TBX20: variants seen among roughly 807,000 people sequenced by gnomAD.
TBX20 encodes T-box transcription factor 20, also known as T-box transcription factor TBX20.
TBX20 carries 8 observed loss-of-function variants against 42.9 expected under a neutral mutation model. That is an observed-to-expected ratio of 0.19 (90% CI 0.11 to 0.34). The LOEUF (loss-of-function observed/expected upper bound fraction) is 0.34, where lower values mean the gene tolerates loss of function less well. Among genes scored for constraint, TBX20 ranks in the 10% least tolerant of loss-of-function variants. The probability of loss-of-function intolerance (pLI) is 1.00; values close to 1 mark genes in which losing one functional copy is unlikely to be tolerated. For missense variants in TBX20, 411 were observed against 566.0 expected (o/e 0.73, Z 2.78); for synonymous variants, 198 against 222.8 (o/e 0.89, Z 0.99).
In TBX20 at chr7:35,250,963, A is replaced by T. The variant is rs7807236; in HGVS notation, c.128-760T>A. Among the ~76,000 whole-genome samples, 591 of 152,262 alleles carry T rather than the reference A, an allele frequency of 3.9e-3. 2 individuals are homozygous for T. Among genetic ancestry groups the T allele is most frequent in the African/African-American group, 0.013 (556 of 41,550 alleles). ...AATTACTTGAGGGGTGAGGTATAAA[A>T]TTTTTCTTTCTCCCAGAAAGGTCCT... On this transcript the variant is annotated intron_variant, in intron 1 of 7. Transcript: ENST00000408931.
At chr7:35,241,967 G>A (rs1201249490) in intron 4 of TBX20, among the ~76,000 whole-genome samples, 1 of 152,144 alleles carries the variant, frequency 6.6e-6, no homozygotes, top group African/African-American at 2.4e-5. Flanking sequence ...TTGGGGGTAT[G>A]TCTTTCCGGG....
intron 6 of TBX20, among the ~76,000 whole-genome samples, chr7:35,229,482 T>C (rs577036689): frequency 6.6e-6 from 1 of 152,348 alleles, no homozygotes; most frequent in South Asian, 2.1e-4. Context: ...ACTTAGGTCA[T>C]CTTGCAAACT....
chr7:35,208,389 C>T (rs1490152292), intron 6 of TBX20, among the ~76,000 whole-genome samples: 3 of 152,092 alleles, frequency 2.0e-5, no homozygotes, highest in Admixed American at 6.5e-5. Flanking sequence ...ATCACAATGA[C>T]TTTGATTTTT....
intron 4 of TBX20, among the ~76,000 whole-genome samples, chr7:35,243,133 A>G (rs1463887311): frequency 2.6e-5 from 4 of 152,118 alleles, no homozygotes; most frequent in Non-Finnish European, 1.5e-5. Context: ...GCATGCCACC[A>G]CATCCAGCTA....
At chr7:35,246,383 G>A (rs1400650180) in intron 3 of TBX20, among the ~76,000 whole-genome samples, 2 of 152,030 alleles carry the variant, frequency 1.3e-5, no homozygotes, top group Admixed American at 6.5e-5. Flanking sequence ...TAGCTTTATA[G>A]GTGCAATTGT....
chr7:35,239,934 T>C (rs1375804000), intron 5 of TBX20, among the ~76,000 whole-genome samples: 1 of 151,980 alleles, frequency 6.6e-6, no homozygotes, highest in Non-Finnish European at 1.5e-5. Flanking sequence ...GTATTTTTAG[T>C]AGAGACGGTT....
chr7:35,225,594 T>C (rs1789756304), intron 6 of TBX20, among the ~76,000 whole-genome samples: 1 of 152,168 alleles, frequency 6.6e-6, no homozygotes, highest in Non-Finnish European at 1.5e-5. Context: ...AACTCGAAAA[T>C]GGCAAAGTGC....
At chr7:35,216,415 C>T (rs1027227344) in intron 6 of TBX20, among the ~76,000 whole-genome samples, 4 of 152,214 alleles carry the variant, frequency 2.6e-5, no homozygotes, top group Admixed American at 2.0e-4. Flanking sequence ...CAAATTACTC[C>T]ACTTTTTCAT....
chr7:35,251,424 G>A (rs1373102859), intron 1 of TBX20, among the ~76,000 whole-genome samples: 3 of 152,104 alleles, frequency 2.0e-5, no homozygotes, highest in Non-Finnish European at 4.4e-5. Flanking sequence ...CCATGAAAAT[G>A]TTTTAACTTA....
intron 5 of TBX20, among the ~76,000 whole-genome samples, chr7:35,232,901 A>T (rs1005528405): frequency 2.6e-5 from 4 of 152,190 alleles, no homozygotes; most frequent in African/African-American, 9.6e-5. Flanking sequence ...ATGAGCCTGT[A>T]ATCCCACCTA....
At chr7:35,248,538 C>T (rs1487391492) in intron 3 of TBX20, 139 bp downstream of exon 3, 25 of 897,668 alleles carry the variant, frequency 2.8e-5, no homozygotes, top group Admixed American at 9.0e-5. Context: ...GTAGTCAATC[C>T]TGGAGTGTCC....
intron 7 of TBX20, among the ~76,000 whole-genome samples, chr7:35,203,408 A>G (rs1394409805): frequency 6.6e-6 from 1 of 151,840 alleles, no homozygotes; most frequent in Non-Finnish European, 1.5e-5. Context: ...AACCTCCGAG[A>G]CAGCAAGACC....
chr7:35,236,000 C>T (rs1329498563), intron 5 of TBX20, among the ~76,000 whole-genome samples: 2 of 152,078 alleles, frequency 1.3e-5, no homozygotes, highest in Non-Finnish European at 2.9e-5. Context: ...AAAAACAATG[C>T]ATGACCTTTC....
At chr7:35,213,877 CA>C (rs59548164) in intron 6 of TBX20, among the ~76,000 whole-genome samples, 796 of 59,750 alleles carry the variant, frequency 0.013, 6 homozygotes, top group African/African-American at 0.042. Context: ...GCAGAGATAG[CA>C]AAAAAAAAAA....
At chr7:35,222,565 A>G (rs1044104609) in intron 6 of TBX20, among the ~76,000 whole-genome samples, 4 of 152,108 alleles carry the variant, frequency 2.6e-5, no homozygotes, top group African/African-American at 4.8e-5. Flanking sequence ...CACTCACTCA[A>G]CAAATATTTG....
rs1012108752 is a variant in TBX20, at chr7:35,234,037, C to A, written c.814-2457G>T. On this transcript the variant is annotated intron_variant, in intron 5 of 7. Transcript: ENST00000408931. ...AGGTGGAGCAATAAAGGTAAGGCTGCCTTTAAATAGCACATTTATAAAATT... is the reference window on the plus strand; with the variant it reads ...AGGTGGAGCAATAAAGGTAAGGCTGACTTTAAATAGCACATTTATAAAATT... Among the ~76,000 whole-genome samples, 6 of 152,196 alleles carry A rather than the reference C, an allele frequency of 3.9e-5. No homozygotes were observed. The South Asian group carries it at 6.2e-4, about 16-fold the overall frequency.
intron 5 of TBX20, among the ~76,000 whole-genome samples, chr7:35,235,605 G>C (rs1471130155): frequency 6.6e-6 from 1 of 152,212 alleles, no homozygotes; most frequent in African/African-American, 2.4e-5. Flanking sequence ...CTTAAGAAAT[G>C]CTACTGTTTA....
At position 35,250,126 on chromosome 7, in the gene TBX20, C is replaced by T. The variant is rs1790276091; in HGVS notation, c.205G>A (p.Gly69Arg). 1.2e-6 allele frequency: 2 copies of T among 1,613,954 alleles called. No homozygotes were observed. The highest frequency in any genetic ancestry group is 1.7e-6 in the Non-Finnish European group (2 of 1,179,952). The part of the protein sequence containing the change: ...TSLDAHGEFG[G>R]GSGSSPSSSS... ...GAGGACGGGCTGCTGCCACTGCCTCCACCAAACTCCCCATGAGCATCCAGG... is the reference window on the plus strand; with the variant it reads ...GAGGACGGGCTGCTGCCACTGCCTCTACCAAACTCCCCATGAGCATCCAGG... Residue 69 changes from glycine (G) to arginine (R), a missense_variant, in exon 2 of 8, where the codon GGA becomes AGA. Around this residue, in one of 5 missense-constraint regions of TBX20, gnomAD observed 114 missense variants for 128.0 expected, o/e 0.89. Transcript: ENST00000408931.
chr7:35,207,512 T>A (rs1789419983), intron 6 of TBX20, among the ~76,000 whole-genome samples: 1 of 152,212 alleles, frequency 6.6e-6, no homozygotes. Context: ...TATCCATTTG[T>A]AATTCTATGG....
Sources: gnomAD v4.1 joint callset for allele counts (sites outside exome capture counted in the v4.1 genomes callset) on GRCh38, gnomAD v4.1.1 for gene constraint, gnomAD v4.1.1 regional missense constraint, MANE v1.5 for transcripts, NCBI Gene and HGNC (gene_info 2026-07-23, HGNC 2026-07-21) for gene names.